Variants in RELCH observed in about 807,000 individuals in gnomAD.
The protein encoded by RELCH is RAB11-binding protein RELCH.
RELCH carries 41 observed loss-of-function variants against 150.3 expected under a neutral mutation model. The observed-to-expected ratio is 0.27, with a 90% confidence interval of 0.21 to 0.35. RELCH has a LOEUF of 0.35. RELCH is among the 10% of genes least tolerant of loss of function. RELCH has a pLI of 1.00. For missense variants in RELCH, 1,092 were observed against 1,467.8 expected (o/e 0.74, Z 4.18); for synonymous variants, 478 against 531.8 (o/e 0.90, Z 1.39).
chr18:62,247,044 C>A (rs1292466267), intron 11 of RELCH: 1 of 152,162 alleles, frequency 6.6e-6, no homozygotes, highest in East Asian at 1.9e-4. Context: ...GAGAAAAGCA[C>A]ACCTGGATTC....
intron 27 of RELCH, among the ~76,000 whole-genome samples, chr18:62,297,314 ACT>A (rs1568449302): frequency 1.3e-5 from 2 of 152,212 alleles, no homozygotes; most frequent in Non-Finnish European, 2.9e-5. Context: ...AGTGAAGTCT[ACT>A]GATGCATAAA....
intron 10 of RELCH, among the ~76,000 whole-genome samples, chr18:62,236,455 A>G (rs1458872028): frequency 1.3e-5 from 2 of 151,736 alleles, no homozygotes; most frequent in Non-Finnish European, 2.9e-5. Context: ...TGGTTTTGGT[A>G]TTGGGCTAAG....
At position 62,258,634 on chromosome 18, in the gene RELCH, T is replaced by C. The variant is rs749239103; in HGVS notation, c.2160T>C (p.His720=). Residue 720 remains histidine (H), a synonymous_variant, in exon 15 of 29, where the codon CAT becomes CAC. Transcript: ENST00000644646. ...CAGAACTTGGAAATTTACAGTCTCA[T>C]CTTATACTTACACTACTGAACAAGA... The part of the protein sequence containing the change: ...WTTELGNLQS[H]LILTLLNKIE... 27 of 1,597,326 alleles carry C rather than the reference T, an allele frequency of 1.7e-5. No individual in the cohort carries two copies. The African/African-American group carries it at 3.5e-4, about 21-fold the overall frequency.
At chr18:62,226,781 C>T (rs72947288) in intron 5 of RELCH, among the ~76,000 whole-genome samples, 6,015 of 151,924 alleles carry the variant, frequency 0.04, 190 homozygotes, top group Non-Finnish European at 0.054. Context: ...AGGAAACTTA[C>T]AAGAATAATA....
At chr18:62,240,586 T>C (rs1040568133) in intron 10 of RELCH, among the ~76,000 whole-genome samples, 12 of 151,926 alleles carry the variant, frequency 7.9e-5, no homozygotes, top group Admixed American at 5.9e-4. Context: ...TTTTTGTATT[T>C]TTGGTAGAGA....
chr18:62,248,159 T>C lies in RELCH; in HGVS notation c.1733+3283T>C, dbSNP rs533969477. ...CTCAATGTAAGTTCACAAAAATGCA[T>C]GTATAAAGCTCCTGTATATACATGT... On this transcript the variant is annotated intron_variant, in intron 11 of 28. Transcript: ENST00000644646. Among the ~76,000 whole-genome samples, 520 of 152,346 alleles carry C rather than the reference T, an allele frequency of 3.4e-3. 3 individuals are homozygous for C. Among genetic ancestry groups the C allele is most frequent in the African/African-American group, 0.012 (493 of 41,590 alleles).
intron 16 of RELCH, among the ~76,000 whole-genome samples, chr18:62,262,016 GTCATT>G (rs1295915846): frequency 3.9e-5 from 6 of 152,028 alleles, no homozygotes; most frequent in African/African-American, 1.4e-4. Flanking sequence ...TATGAAGCTT[GTCATT>G]TCTGCTTTCT....
chr18:62,228,659 G>A, intron 8 of RELCH, 61 bp downstream of exon 8: 3 of 1,303,560 alleles, frequency 2.3e-6, no homozygotes, highest in South Asian at 3.1e-5. Flanking sequence ...TGTCAAACGG[G>A]AAGAGCTACT....
At chr18:62,211,764 TA>T (rs201101634) in intron 2 of RELCH, among the ~76,000 whole-genome samples, 319 of 150,354 alleles carry the variant, frequency 2.1e-3, no homozygotes, top group African/African-American at 7.3e-3. Flanking sequence ...TCTCTTAAAT[TA>T]AAAAAAAATA....
chr18:62,282,549 G>C (rs1174581821), intron 25 of RELCH, 105 bp downstream of exon 25: 1 of 1,097,234 alleles, frequency 9.1e-7, no homozygotes, highest in Non-Finnish European at 1.4e-6. Context: ...CATTTGTCAT[G>C]TGTTAAAGCC....
At chr18:62,200,631 C>G (rs762112799) in intron 1 of RELCH, among the ~76,000 whole-genome samples, 1 of 149,868 alleles carries the variant, frequency 6.7e-6, no homozygotes, top group Non-Finnish European at 1.5e-5. Flanking sequence ...CCTTTCTATT[C>G]TGGTGTATCA....
chr18:62,278,005 T>G (rs776527158), intron 22 of RELCH: 2 of 183,418 alleles, frequency 1.1e-5, no homozygotes, highest in Non-Finnish European at 2.1e-5. Flanking sequence ...AGCCTCAGTT[T>G]CTTCATCTGT....
chr18:62,205,211 G>C (rs1282353021), intron 1 of RELCH, among the ~76,000 whole-genome samples: 1 of 152,126 alleles, frequency 6.6e-6, no homozygotes, highest in African/African-American at 2.4e-5. Flanking sequence ...TTTTAAAATT[G>C]TGGAGGTTTT....
Position 62,277,031 on chromosome 18 carries a change from T to C in RELCH, c.2967+1558T>C, listed in dbSNP as rs566413195. On this transcript the variant is annotated intron_variant, in intron 22 of 28. Transcript: ENST00000644646. ...TTAATATACTCTCTTCCTATGATTT[T>C]ATTCTAAGCTCATAAAAGCTATTTC... Among the ~76,000 whole-genome samples, 365 of 152,282 alleles carry C rather than the reference T, an allele frequency of 2.4e-3. 3 individuals are homozygous for C. Among genetic ancestry groups the C allele is most frequent in the Admixed American group, 3.9e-3 (59 of 15,290 alleles).
At chr18:62,292,704 A>C (rs1191769699) in intron 27 of RELCH, among the ~76,000 whole-genome samples, 1 of 152,140 alleles carries the variant, frequency 6.6e-6, no homozygotes, top group East Asian at 1.9e-4. Context: ...TTTCTCCCCA[A>C]GTCATATATC....
intron 1 of RELCH, among the ~76,000 whole-genome samples, chr18:62,203,628 C>T (rs78615931): frequency 0.012 from 1,753 of 152,188 alleles, 13 homozygotes; most frequent in Non-Finnish European, 0.016. Context: ...TTTTGGAAAG[C>T]GATTTAGCAG....
chr18:62,220,580 T>TA (rs200282776), intron 2 of RELCH, among the ~76,000 whole-genome samples: 1,821 of 149,730 alleles, frequency 0.012, 30 homozygotes, highest in East Asian at 0.052. Context: ...TTAACTTTTG[T>TA]AAAAAAAAAA....
At chr18:62,295,318 GT>G (rs201022051) in intron 27 of RELCH, among the ~76,000 whole-genome samples, 10,711 of 127,376 alleles carry the variant, frequency 0.084, 1,059 homozygotes, top group African/African-American at 0.26. Context: ...AGCCTGGTGT[GT>G]TTTTTTTTTT....
At chr18:62,197,047 CTT>C (rs564050685) in intron 1 of RELCH, among the ~76,000 whole-genome samples, 172 of 152,230 alleles carry the variant, frequency 1.1e-3, no homozygotes, top group African/African-American at 4.0e-3. Flanking sequence ...TATTTAGACT[CTT>C]TATCCTGAGT....
Sources: allele counts gnomAD v4.1 joint callset (sites outside exome capture counted in the v4.1 genomes callset), GRCh38; gene constraint gnomAD v4.1.1; transcripts MANE v1.5; gene names NCBI Gene and HGNC (gene_info 2026-07-23, HGNC 2026-07-21).